The following LARGE1 variants were observed in gnomAD, a reference collection of about 807,000 sequenced individuals.
LARGE1 encodes LARGE xylosyl- and glucuronyltransferase 1, also known as xylosyl- and glucuronyltransferase LARGE1.
In LARGE1, 43 loss-of-function variants were observed where a neutral mutation model predicts 87.6. The ratio of observed to expected loss-of-function variants is 0.49; its 90% CI spans 0.38 to 0.63. The LOEUF (loss-of-function observed/expected upper bound fraction) is 0.63, where lower values mean the gene tolerates loss of function less well. LARGE1 is among the 30% of genes least tolerant of loss of function. LARGE1 has a pLI of 0.00. For missense variants in LARGE1, 802 were observed against 1,000.2 expected (o/e 0.80, Z 2.67); for synonymous variants, 434 against 394.6 (o/e 1.10, Z -1.18).
intron 2 of LARGE1, among the ~76,000 whole-genome samples, chr22:33,754,522 G>C (rs1039330936): frequency 1.3e-5 from 2 of 151,804 alleles, no homozygotes; most frequent in African/African-American, 4.8e-5. Context: ...ATTTTTAGTA[G>C]AGACGGGGTT....
intron 6 of LARGE1, among the ~76,000 whole-genome samples, chr22:33,498,880 G>A (rs964200660): frequency 1.3e-5 from 2 of 152,136 alleles, no homozygotes; most frequent in Non-Finnish European, 2.9e-5. Context: ...GCTGAGGCAG[G>A]AGAATGGTAT....
the LARGE1 span, among the ~76,000 whole-genome samples, chr22:33,138,455 T>TA: frequency 2.8e-4 from 42 of 151,858 alleles, no homozygotes; most frequent in East Asian, 2.7e-3. Flanking sequence ...TTTTCATTTT[T>TA]TTTTTTGAGA....
At chr22:33,661,508 C>T (rs896012191) in intron 2 of LARGE1, among the ~76,000 whole-genome samples, 1 of 151,102 alleles carries the variant, frequency 6.6e-6, no homozygotes, top group South Asian at 2.1e-4. Flanking sequence ...AGCTTCCGCA[C>T]CTGGCATTTC....
intron 4 of LARGE1, among the ~76,000 whole-genome samples, chr22:33,616,219 G>C (rs1395361329): frequency 6.6e-6 from 1 of 152,096 alleles, no homozygotes. Flanking sequence ...TAGTCAAGAA[G>C]TGGATGGCCG....
At chr22:33,095,878 G>A in the LARGE1 span, among the ~76,000 whole-genome samples, 6 of 152,040 alleles carry the variant, frequency 3.9e-5, no homozygotes, top group South Asian at 2.1e-4. Context: ...AGACCTACCC[G>A]CGTGTTTGAT....
At chr22:33,406,569 C>T (rs1298315782) in intron 7 of LARGE1, among the ~76,000 whole-genome samples, 1 of 152,100 alleles carries the variant, frequency 6.6e-6, no homozygotes, top group Non-Finnish European at 1.5e-5. Context: ...AGGTATCTAG[C>T]ACACTTTAGA....
chr22:33,251,328 G>A (rs928748461), intron 11 of LARGE1, among the ~76,000 whole-genome samples: 14 of 152,152 alleles, frequency 9.2e-5, no homozygotes, highest in South Asian at 4.2e-4. Context: ...CTCAACTAGT[G>A]AAACACACCT....
In LARGE1 at chr22:33,626,398, C is replaced by T. The variant is rs1427602821; in HGVS notation, c.409-72G>A. 3.3e-6 allele frequency: 4 copies of T among 1,205,926 alleles called. No individual in the cohort carries two copies. The Admixed American group carries it at 5.3e-5, about 16-fold the overall frequency. 74.7% of individuals were successfully genotyped at this position (1,205,926 alleles called of 1,614,324 possible). A position where few individuals can be genotyped will look rare whatever the true frequency, so the allele number is the denominator to read the frequency against. ...GGCCTTCCTGGTGCTTCAGATCACACTAGAAAGAAAAATTGCCCTGATTTC... is the reference window on the plus strand; with the variant it reads ...GGCCTTCCTGGTGCTTCAGATCACATTAGAAAGAAAAATTGCCCTGATTTC... On this transcript the variant is annotated intron_variant, in intron 3 of 14. Transcript: ENST00000397394.
chr22:33,107,138 C>G, the LARGE1 span, among the ~76,000 whole-genome samples: 1 of 152,184 alleles, frequency 6.6e-6, no homozygotes, highest in East Asian at 1.9e-4. Context: ...CAATGATACT[C>G]TCTCTCTCAG....
intron 11 of LARGE1, among the ~76,000 whole-genome samples, chr22:33,231,272 A>G (rs1374338288): frequency 6.6e-6 from 1 of 152,236 alleles, no homozygotes; most frequent in Non-Finnish European, 1.5e-5. Flanking sequence ...CTTTCACGGT[A>G]TAGTACAGAA....
chr22:33,912,706 C>T (rs1011515580), intron 1 of LARGE1, among the ~76,000 whole-genome samples: 1 of 151,122 alleles, frequency 6.6e-6, no homozygotes, highest in African/African-American at 2.4e-5. Context: ...AAACGCCCTA[C>T]AGTTTATTCC....
chr22:33,906,625 A>G (rs1601891044), intron 1 of LARGE1, among the ~76,000 whole-genome samples: 1 of 152,168 alleles, frequency 6.6e-6, no homozygotes, highest in African/African-American at 2.4e-5. Context: ...ATTGGCTGCC[A>G]TCTCTCTTAA....
intron 6 of LARGE1, among the ~76,000 whole-genome samples, chr22:33,452,776 C>T (rs763348941): frequency 3.9e-5 from 6 of 152,196 alleles, no homozygotes; most frequent in Non-Finnish European, 7.3e-5. Flanking sequence ...TGTTTAAATA[C>T]GACCCCTTGA....
At chr22:33,573,168 C>T (rs558709920) in intron 5 of LARGE1, among the ~76,000 whole-genome samples, 54 of 152,094 alleles carry the variant, frequency 3.6e-4, no homozygotes, top group African/African-American at 1.3e-3. Flanking sequence ...AAGGCACCTG[C>T]TGTTGCACGC....
intron 9 of LARGE1, among the ~76,000 whole-genome samples, chr22:33,372,221 T>C (rs1270145905): frequency 6.6e-6 from 1 of 152,132 alleles, no homozygotes; most frequent in Non-Finnish European, 1.5e-5. Context: ...AACATGCTTC[T>C]AAAAATTATA....
At chr22:33,356,130 C>T (rs1940871240) in intron 9 of LARGE1, among the ~76,000 whole-genome samples, 2 of 152,170 alleles carry the variant, frequency 1.3e-5, no homozygotes, top group South Asian at 4.1e-4. Flanking sequence ...GGTAAAATTT[C>T]CAGAGACATC....
chr22:33,771,419 T>C (rs1029986194), intron 1 of LARGE1, among the ~76,000 whole-genome samples: 2 of 152,318 alleles, frequency 1.3e-5, no homozygotes, highest in South Asian at 4.1e-4. Flanking sequence ...TAATCATTTC[T>C]GATTTCAAAT....
At position 33,276,106 on chromosome 22, in the gene LARGE1, C is replaced by T. The variant is rs187852653; in HGVS notation, c.2073+954G>A. Among the ~76,000 whole-genome samples, 23 of 152,064 alleles carry T rather than the reference C, an allele frequency of 1.5e-4. No individual in the cohort carries two copies. The East Asian group carries it at 2.9e-3, about 19-fold the overall frequency. ...CCTGGTGATTCTCATGAACGGCCAG[C>T]GCTCAGTATCCAACCTTAGCTTTTT... On this transcript the variant is annotated intron_variant, in intron 14 of 14. Coordinates refer to ENST00000397394, the MANE Select transcript of LARGE1 (RefSeq NM_133642.5).
chr22:33,607,086 T>C (rs1459993933), intron 4 of LARGE1, among the ~76,000 whole-genome samples: 1 of 151,920 alleles, frequency 6.6e-6, no homozygotes. Flanking sequence ...ACTGAATGGA[T>C]AGATGGGAGA....
Sources: allele counts gnomAD v4.1 joint callset (sites outside exome capture counted in the v4.1 genomes callset), GRCh38; gene constraint gnomAD v4.1.1; transcripts MANE v1.5; gene names NCBI Gene and HGNC (gene_info 2026-07-23, HGNC 2026-07-21).